Variants in DNER observed in about 807,000 individuals in gnomAD.
DNER encodes the protein delta and Notch-like epidermal growth factor-related receptor.
A neutral mutation model predicts 78.2 loss-of-function variants in DNER; 33 were observed. That is an observed-to-expected ratio of 0.42 (90% CI 0.32 to 0.56). DNER has a LOEUF of 0.56. DNER is among the 20% of genes least tolerant of loss of function. The pLI is 0.11. For missense variants in DNER, 918 were observed against 975.3 expected (o/e 0.94, Z 0.78); for synonymous variants, 417 against 384.8 (o/e 1.08, Z -0.98).
chr2:229,621,482 A>C, intron 1 of DNER, among the ~76,000 whole-genome samples: 2 of 147,358 alleles, frequency 1.4e-5, no homozygotes. Flanking sequence ...CCACCACAAT[A>C]CTCCCCACAC....
intron 9 of DNER, among the ~76,000 whole-genome samples, chr2:229,408,973 G>A (rs146829573): frequency 4.5e-4 from 68 of 152,260 alleles, no homozygotes; most frequent in African/African-American, 1.6e-3. Flanking sequence ...GTGGGATACA[G>A]CATCCCGCAG....
chr2:229,585,703 A>C (rs925860127), intron 4 of DNER, among the ~76,000 whole-genome samples, 155 bp downstream of exon 4: 1 of 152,194 alleles, frequency 6.6e-6, no homozygotes, highest in African/African-American at 2.4e-5. Context: ...GTTAGAATCC[A>C]GTTTTTATTC....
At chr2:229,564,924 C>T (rs900709577) in intron 4 of DNER, among the ~76,000 whole-genome samples, 1 of 152,110 alleles carries the variant, frequency 6.6e-6, no homozygotes, top group African/African-American at 2.4e-5. Context: ...GTTCCTGGCT[C>T]ACAGATGGTC....
intron 4 of DNER, among the ~76,000 whole-genome samples, chr2:229,564,703 A>T (rs1312327438): frequency 6.6e-6 from 1 of 151,906 alleles, no homozygotes; most frequent in Non-Finnish European, 1.5e-5. Flanking sequence ...CATCACCATC[A>T]TCATCAACAT....
At chr2:229,687,769 T>G (rs540177181) in intron 1 of DNER, among the ~76,000 whole-genome samples, 16 of 152,366 alleles carry the variant, frequency 1.1e-4, no homozygotes, top group African/African-American at 3.6e-4. Context: ...CACAACATTT[T>G]AATATCTGTA....
At position 229,558,982 on chromosome 2, in the gene DNER, C is replaced by T. The variant is rs185549688; in HGVS notation, c.848-11890G>A. On this transcript the variant is annotated intron_variant, in intron 4 of 12. Transcript: ENST00000341772. ...GAGTTTTAAGCAGGGGAATAACACA[C>T]GACTGGTGCATTCTCAAAGACCACA... Among the ~76,000 whole-genome samples the T allele has an allele frequency of 6.5e-4, 99 of 152,168 alleles. No homozygotes were observed. In the East Asian group the frequency reaches 0.013, roughly 20 times the overall value.
At chr2:229,411,924 CATGTT>C (rs1693530872) in intron 9 of DNER, among the ~76,000 whole-genome samples, 1 of 152,050 alleles carries the variant, frequency 6.6e-6, no homozygotes, top group African/African-American at 2.4e-5. Flanking sequence ...TATTATGGCT[CATGTT>C]ATGTTGTAAA....
At chr2:229,586,626 C>T (rs1478039081) in intron 3 of DNER, 1 of 984,628 alleles carries the variant, frequency 1.0e-6, no homozygotes, top group African/African-American at 1.8e-5. Context: ...AGCTGCCCTC[C>T]TGCGCTTTTC....
chr2:229,642,999 C>A (rs1305669059), intron 1 of DNER, among the ~76,000 whole-genome samples: 1 of 152,148 alleles, frequency 6.6e-6, no homozygotes, highest in African/African-American at 2.4e-5. Flanking sequence ...GGGTGGATCA[C>A]TTGTTCGAGA....
intron 11 of DNER, among the ~76,000 whole-genome samples, chr2:229,376,518 A>T (rs1208021232): frequency 6.6e-6 from 1 of 152,238 alleles, no homozygotes; most frequent in African/African-American, 2.4e-5. Context: ...GTATTGCTTT[A>T]AATAGCAAAA....
At chr2:229,520,532 G>T (rs192285668) in intron 5 of DNER, among the ~76,000 whole-genome samples, 1 of 152,304 alleles carries the variant, frequency 6.6e-6, no homozygotes, top group Admixed American at 6.5e-5. Context: ...AGTTGATAAT[G>T]GTTGAAACTA....
intron 1 of DNER, among the ~76,000 whole-genome samples, chr2:229,670,406 G>A (rs542743776): frequency 7.6e-5 from 11 of 145,448 alleles, no homozygotes; most frequent in South Asian, 2.1e-4. Flanking sequence ...CATTGCACAC[G>A]GTGGGTAATG....
At chr2:229,382,641 A>G (rs1692769016) in intron 11 of DNER, among the ~76,000 whole-genome samples, 1 of 151,938 alleles carries the variant, frequency 6.6e-6, no homozygotes, top group African/African-American at 2.4e-5. Flanking sequence ...CAATAGCCAA[A>G]TAGATCAAGC....
At chr2:229,531,512 A>G (rs1006763805) in intron 5 of DNER, among the ~76,000 whole-genome samples, 2 of 152,256 alleles carry the variant, frequency 1.3e-5, no homozygotes, top group Non-Finnish European at 2.9e-5. Context: ...ATGGAAAATA[A>G]CAAGTGTTTG....
intron 1 of DNER, among the ~76,000 whole-genome samples, chr2:229,712,095 C>T (rs1310598810): frequency 1.3e-5 from 2 of 152,110 alleles, no homozygotes; most frequent in Non-Finnish European, 2.9e-5. Context: ...GTAACTTCAC[C>T]GCTCTCTCCA....
intron 8 of DNER, among the ~76,000 whole-genome samples, chr2:229,442,063 A>G (rs969542108): frequency 2.9e-4 from 44 of 152,188 alleles, no homozygotes; most frequent in African/African-American, 8.9e-4. Context: ...TGGGGTCCCA[A>G]TGGTGAGGTG....
intron 11 of DNER, among the ~76,000 whole-genome samples, chr2:229,386,301 A>G (rs1209559020): frequency 1.3e-5 from 2 of 152,192 alleles, no homozygotes; most frequent in African/African-American, 4.8e-5. Context: ...CCTTCCTTAC[A>G]CCTTATACAA....
intron 5 of DNER, among the ~76,000 whole-genome samples, chr2:229,535,626 G>A (rs919857351): frequency 6.6e-6 from 1 of 152,108 alleles, no homozygotes; most frequent in Non-Finnish European, 1.5e-5. Context: ...AGCTTGGAAG[G>A]AGATGTTGTA....
In DNER at chr2:229,591,846, T is replaced by C. The variant is rs1221333671; in HGVS notation, c.319A>G (p.Asn107Asp). The change falls in exon 2 of 13, where the codon AAC (asparagine) becomes GAC (aspartate). Residue 107 changes from asparagine to aspartate, a missense_variant. Asn to Asp is a conservative substitution (Grantham distance 23). Transcript: ENST00000341772. The surrounding 1 kb of genome is among the most constrained non-coding windows in gnomAD (Gnocchi z 4.6). ...CTGCTGCTGCTGCTGCTGCTGCAGT[T>C]GCCATGGTGACAAGGGTTGCTGGCA... is the stretch of plus-strand genomic sequence containing the variant. ...PCASNPCHHG[N>D]CSSSSSSSSD... 6.2e-7 allele frequency: 1 copy of C among 1,609,838 alleles called. No individual in the cohort carries two copies. The highest frequency in any genetic ancestry group is 8.5e-7 in the Non-Finnish European group (1 of 1,177,796).
Sources: gnomAD v4.1 joint callset for allele counts (sites outside exome capture counted in the v4.1 genomes callset) on GRCh38, gnomAD v4.1.1 for gene constraint, Gnocchi (gnomAD v3.1) non-coding constraint, MANE v1.5 for transcripts, NCBI Gene and HGNC (gene_info 2026-07-23, HGNC 2026-07-21) for gene names.